Variants in TRIM32 observed in about 807,000 individuals in gnomAD.
TRIM32 encodes E3 ubiquitin-protein ligase TRIM32.
A neutral mutation model predicts 36.0 loss-of-function variants in TRIM32; 19 were observed. The observed-to-expected ratio is 0.53, with a 90% CI of 0.37 to 0.77. The LOEUF is 0.77. Among genes scored for constraint, TRIM32 ranks in the 30% least tolerant of loss-of-function variants. The pLI, the probability that TRIM32 is intolerant of heterozygous loss-of-function variation, is 0.00. For synonymous variants in TRIM32, 309 were observed against 318.5 expected, an observed-to-expected ratio of 0.97 and a Z score of 0.32; for missense variants, 747 against 845.2, an observed-to-expected ratio of 0.88 and a Z score of 1.44.
chr9:116,697,756 C>T lies in TRIM32; in HGVS notation c.14C>T (p.Ala5Val). The T allele has an allele frequency of 6.2e-7, 1 of 1,614,070 alleles. No individual in the cohort carries two copies. The highest frequency in any genetic ancestry group is 8.5e-7 in the Non-Finnish European group (1 of 1,180,026). Residue 5 changes from alanine (A) to valine (V), a missense_variant, in exon 2 of 2, where the codon GCA (alanine) becomes GTA (valine). Coordinates refer to ENST00000450136, the MANE Select transcript of TRIM32 (RefSeq NM_012210.4). The part of the protein sequence containing the change: MAAA[A>V]ASHLNLDALR... ...AAAGGAAGAGCAATGGCTGCAGCAG[C>T]AGCTTCTCACCTGAACCTGGATGCC... is the stretch of plus-strand genomic sequence containing the variant.
At chr9:116,696,969 C>T (rs1202614612) in intron 1 of TRIM32, among the ~76,000 whole-genome samples, 1 of 146,986 alleles carries the variant, frequency 6.8e-6, no homozygotes. Flanking sequence ...AAAAAAAAGC[C>T]TCCACACTTT....
Position 116,699,273 on chromosome 9 carries a change from T to C in TRIM32, c.1531T>C (p.Cys511Arg), listed in dbSNP as rs767055461. Residue 511 changes from cysteine to arginine, a missense_variant, in exon 2 of 2, where the codon TGT becomes CGT. Cys to Arg is a radical substitution (Grantham distance 180). Transcript: ENST00000450136. The surrounding 1 kb of genome is among the most constrained non-coding windows in gnomAD (Gnocchi z 4.2). Reference protein sequence around the residue: ...GSGVVKYSCLCSAVRPKFVTC... With the variant: ...GSGVVKYSCLRSAVRPKFVTC... Reference sequence around the variant, plus strand: ...AGGGGTGGTCAAATACAGCTGCCTATGTAGTGCTGTGCGGCCCAAATTTGT... The same window carrying C: ...AGGGGTGGTCAAATACAGCTGCCTACGTAGTGCTGTGCGGCCCAAATTTGT... The C allele has an allele frequency of 6.2e-7, 1 of 1,614,184 alleles. No homozygotes were observed. Among genetic ancestry groups the C allele is most frequent in the Middle Eastern group, 1.6e-4 (1 of 6,062 alleles).
chr9:116,696,005 G>T (rs1005706360), intron 1 of TRIM32, among the ~76,000 whole-genome samples: 2 of 152,058 alleles, frequency 1.3e-5, no homozygotes, highest in African/African-American at 4.8e-5. Context: ...TCTGGATATT[G>T]CTCAAATGAA....
intron 1 of TRIM32, among the ~76,000 whole-genome samples, chr9:116,696,755 T>G (rs1860874835): frequency 6.6e-6 from 1 of 152,186 alleles, no homozygotes; most frequent in Non-Finnish European, 1.5e-5. Context: ...AAAGACCTCT[T>G]GTATCTAGTA....
chr9:116,688,422 C>A (rs1264114797), intron 1 of TRIM32, among the ~76,000 whole-genome samples: 1 of 151,880 alleles, frequency 6.6e-6, no homozygotes, highest in African/African-American at 2.4e-5. Context: ...GTTCAGGGGA[C>A]CCAAGGACCT....
chr9:116,697,993 A>T lies in TRIM32; in HGVS notation c.251A>T (p.Lys84Met), dbSNP rs1408140067. ...TQLTDNLTVL[K>M]IIDTAGLSEA... is the part of the protein sequence containing the mutation. ...CTGACAGACAATCTGACAGTGCTAA[A>T]GATCATTGATACAGCTGGGCTCAGC... Residue 84 changes from lysine to methionine, a missense_variant, in exon 2 of 2, where the codon AAG (lysine) becomes ATG (methionine). Transcript: ENST00000450136. 3 of 1,614,214 alleles carry T rather than the reference A, an allele frequency of 1.9e-6. No homozygotes were observed. The highest frequency in any genetic ancestry group is 2.5e-6 in the Non-Finnish European group (3 of 1,180,046).
Position 116,698,824 on chromosome 9 carries a change from T to C in TRIM32, c.1082T>C (p.Met361Thr), listed in dbSNP as rs1204627854. The C allele has an allele frequency of 3.1e-6, 5 of 1,614,058 alleles. No homozygotes were observed. The highest frequency in any genetic ancestry group is 4.2e-6 in the Non-Finnish European group (5 of 1,180,048). Residue 361 changes from methionine (M) to threonine (T), a missense_variant, in exon 2 of 2, where the codon ATG becomes ACG. Met to Thr is a moderately conservative substitution (Grantham distance 81). Transcript: ENST00000450136. The surrounding 1 kb of genome is among the most constrained non-coding windows in gnomAD (Gnocchi z 4.4). Reference protein sequence around the residue: ...NIQQCLFLKKMGAKGSTPGMF... With the variant: ...NIQQCLFLKKTGAKGSTPGMF... ...CAGCAGTGCCTCTTTCTCAAGAAGATGGGGGCCAAAGGCAGCACTCCAGGA... is the reference window on the plus strand; with the variant it reads ...CAGCAGTGCCTCTTTCTCAAGAAGACGGGGGCCAAAGGCAGCACTCCAGGA...
At position 116,699,884 on chromosome 9, in the gene TRIM32, C is replaced by G. The variant is rs1861088971; in HGVS notation, c.*180C>G. 4 of 813,180 alleles carry G rather than the reference C, an allele frequency of 4.9e-6. No homozygotes were observed. In the Admixed American group the frequency reaches 1.1e-4, roughly 22 times the overall value. The allele number at this position is 813,180 out of a possible 1,614,324, so 50.4% of individuals were successfully genotyped here. On this transcript the variant is annotated 3_prime_UTR_variant, in exon 2 of 2. Coordinates refer to ENST00000450136, the MANE Select transcript of TRIM32 (RefSeq NM_012210.4). The surrounding 1 kb of genome is among the most constrained non-coding windows in gnomAD (Gnocchi z 4.2). The stretch of plus-strand genomic sequence containing the variant: ...ATTTGTTATGTCCCCCTCCCCGCTT[C>G]CCACCTAAATTTAGAGCTTTAAAAG...
At chr9:116,689,747 G>A (rs1289755697) in intron 1 of TRIM32, among the ~76,000 whole-genome samples, 1 of 152,140 alleles carries the variant, frequency 6.6e-6, no homozygotes, top group East Asian at 1.9e-4. Context: ...TAGGTAGGGA[G>A]GAGCCCTGGA....
Position 116,698,023 on chromosome 9 carries a change from C to A in TRIM32, c.281C>A (p.Ala94Asp), listed in dbSNP as rs997358002. The A allele has an allele frequency of 3.7e-6, 6 of 1,613,954 alleles. No homozygotes were observed. Among genetic ancestry groups the A allele is most frequent in the Non-Finnish European group, 5.1e-6 (6 of 1,180,050 alleles). The part of the protein sequence containing the change: ...KIIDTAGLSE[A>D]VGLLMCRSCG... ...ATTGATACAGCTGGGCTCAGCGAGG[C>A]TGTGGGGCTGCTCATGTGTCGGTCC... The change falls in exon 2 of 2, where the codon GCT becomes GAT. Residue 94 changes from alanine (A) to aspartate (D), a missense_variant. By Grantham distance (126) the Ala-to-Asp change is moderately radical. Transcript: ENST00000450136. This position sits in a 1 kb window ranked among gnomAD's most constrained non-coding sequence, Gnocchi z 4.4.
At chr9:116,695,440 G>C (rs1860795045) in intron 1 of TRIM32, among the ~76,000 whole-genome samples, 1 of 152,184 alleles carries the variant, frequency 6.6e-6, no homozygotes, top group Admixed American at 6.5e-5. Flanking sequence ...CTATATATTT[G>C]TCAGATTGCA....
intron 1 of TRIM32, among the ~76,000 whole-genome samples, chr9:116,687,705 T>C (rs1490651190): frequency 6.6e-6 from 1 of 150,838 alleles, no homozygotes; most frequent in Non-Finnish European, 1.5e-5. Flanking sequence ...GTGTAGCATG[T>C]GGGAGATGGG....
At chr9:116,687,682 G>A (rs1860338111) in intron 1 of TRIM32, among the ~76,000 whole-genome samples, 1 of 151,972 alleles carries the variant, frequency 6.6e-6, no homozygotes, top group South Asian at 2.1e-4. Flanking sequence ...TCGGGGCCCT[G>A]AGGAGGAACG....
At chr9:116,687,692 G>C (rs1452506103) in intron 1 of TRIM32, among the ~76,000 whole-genome samples, 1 of 151,924 alleles carries the variant, frequency 6.6e-6, no homozygotes, top group Non-Finnish European at 1.5e-5. Context: ...GAGGAGGAAC[G>C]GGGTGTAGCA....
In TRIM32 at chr9:116,693,774, G is replaced by A. The variant is rs894909817; in HGVS notation, c.-81-3888G>A. ...GGCAGCTTACTTAAAGATTTGGAAT[G>A]ATAAGACAATTCCTTTTATTTGTGT... On this transcript the variant is annotated intron_variant, in intron 1 of 1. Coordinates refer to ENST00000450136, the MANE Select transcript of TRIM32 (RefSeq NM_012210.4). 1.6e-4 allele frequency among the ~76,000 whole-genome samples: 24 copies of A among 152,176 alleles called. 1 individual carries two copies. The highest frequency in any genetic ancestry group is 2.9e-5 in the Non-Finnish European group (2 of 68,028).
chr9:116,692,446 T>C (rs776139143), intron 1 of TRIM32, among the ~76,000 whole-genome samples: 1 of 152,222 alleles, frequency 6.6e-6, no homozygotes, highest in Non-Finnish European at 1.5e-5. Context: ...CATGCCTGGC[T>C]TGGTACTGTA....
Position 116,699,297 on chromosome 9 carries a change from G to T in TRIM32, c.1555G>T (p.Val519Phe). The T allele has an allele frequency of 6.2e-7, 1 of 1,614,198 alleles. No homozygotes were observed. Among genetic ancestry groups the T allele is most frequent in the Non-Finnish European group, 8.5e-7 (1 of 1,180,046 alleles). The part of the protein sequence containing the change: ...CLCSAVRPKF[V>F]TCDAEGTVYF... ...ATGTAGTGCTGTGCGGCCCAAATTT[G>T]TCACCTGTGATGCTGAGGGCACCGT... The change falls in exon 2 of 2, where the codon GTC (valine) becomes TTC (phenylalanine). Residue 519 changes from valine (V) to phenylalanine (F), a missense_variant. Val to Phe is a conservative substitution (Grantham distance 50, BLOSUM62 -1). Coordinates refer to ENST00000450136, the MANE Select transcript of TRIM32 (RefSeq NM_012210.4). This position sits in a 1 kb window ranked among gnomAD's most constrained non-coding sequence, Gnocchi z 4.2.
intron 1 of TRIM32, chr9:116,697,232 G>T (rs1860907818): frequency 6.2e-6 from 1 of 161,148 alleles, no homozygotes; most frequent in Admixed American, 5.7e-5. Flanking sequence ...CACCAAATAT[G>T]AAAATAATCA....
In TRIM32 at chr9:116,699,644, C is replaced by CTGTT; in HGVS notation, c.1903_1906dup (p.Trp636LeufsTer43). On this transcript the variant is annotated frameshift_variant, in exon 2 of 2. Coordinates refer to ENST00000450136, the MANE Select transcript of TRIM32 (RefSeq NM_012210.4). LOFTEE classifies it high-confidence loss of function. This position sits in a 1 kb window ranked among gnomAD's most constrained non-coding sequence, Gnocchi z 4.2. ...CTAAGGGGCAGCTGCTGGTCTTGGA[C>CTGTT]TGTTGGGATCATTGCATCAAGATCT... 6.2e-7 allele frequency: 1 copy of CTGTT among 1,614,148 alleles called. No homozygotes were observed. Among genetic ancestry groups the CTGTT allele is most frequent in the South Asian group, 1.1e-5 (1 of 91,076 alleles).
Sources: gnomAD v4.1 joint callset for allele counts (sites outside exome capture counted in the v4.1 genomes callset) on GRCh38, gnomAD v4.1.1 for gene constraint, Gnocchi (gnomAD v3.1) non-coding constraint, MANE v1.5 for transcripts, NCBI Gene and HGNC (gene_info 2026-07-23, HGNC 2026-07-21) for gene names.